CAGE1: variants seen among roughly 807,000 people sequenced by gnomAD.
CAGE1 encodes the protein cancer-associated gene 1 protein.
Under a neutral mutation model 94.9 loss-of-function variants are expected in CAGE1, and 66 were observed. The ratio of observed to expected loss-of-function variants is 0.70; its 90% CI spans 0.57 to 0.85. The LOEUF is 0.85. CAGE1 is among the 40% of genes least tolerant of loss of function. The pLI, the probability that CAGE1 is intolerant of heterozygous loss-of-function variation, is 0.00. For synonymous variants in CAGE1, 319 were observed against 321.0 expected (o/e 0.99, Z 0.07); for missense variants, 865 against 950.4 (o/e 0.91, Z 1.18).
At chr6:7,328,934 A>ATATATTTTT (rs1388562262) in intron 13 of CAGE1, among the ~76,000 whole-genome samples, 1 of 106,814 alleles carries the variant, frequency 9.4e-6, no homozygotes, top group Non-Finnish European at 1.8e-5. Context: ...ATATATATAT[A>ATATATTTTT]TTTTTTTTTT....
chr6:7,348,931 GA>G (rs1377391324), intron 11 of CAGE1, among the ~76,000 whole-genome samples: 3 of 152,180 alleles, frequency 2.0e-5, no homozygotes, highest in Non-Finnish European at 4.4e-5. Flanking sequence ...GACCAAACCT[GA>G]GAATAATCGG....
chr6:7,342,207 A>C (rs6920613), intron 11 of CAGE1, among the ~76,000 whole-genome samples: 1,721 of 152,258 alleles, frequency 0.011, 29 homozygotes, highest in African/African-American at 0.039. Flanking sequence ...CATCACCCCT[A>C]GAGTCCTGGG....
At chr6:7,341,484 C>T (rs1307988154) in intron 11 of CAGE1, 3 of 1,155,848 alleles carry the variant, frequency 2.6e-6, no homozygotes, top group Admixed American at 1.7e-5. Context: ...TCCAGGTATT[C>T]CATCGCGAGT....
At chr6:7,329,928 G>A (rs776524409) in intron 12 of CAGE1, 40 bp from the exon 13 acceptor site, 13 of 917,570 alleles carry the variant, frequency 1.4e-5, no homozygotes, top group South Asian at 3.0e-5. Context: ...AAAGGAGGAA[G>A]GGGGGACTGA....
At chr6:7,358,025 G>GAGATAGATAGAT (rs1454896963) in intron 9 of CAGE1, among the ~76,000 whole-genome samples, 2 of 20,298 alleles carry the variant, frequency 9.9e-5, no homozygotes, top group Non-Finnish European at 1.9e-4. Flanking sequence ...GGTAAGTTTT[G>GAGATAGATAGAT]AGATATATAT....
chr6:7,353,336 G>C (rs947861335), intron 11 of CAGE1, among the ~76,000 whole-genome samples: 3 of 152,096 alleles, frequency 2.0e-5, no homozygotes, highest in Non-Finnish European at 4.4e-5. Context: ...AAACTACAAT[G>C]CGATACCACC....
At chr6:7,367,596 A>T (rs564015094) in intron 7 of CAGE1, among the ~76,000 whole-genome samples, 74 of 151,936 alleles carry the variant, frequency 4.9e-4, no homozygotes, top group African/African-American at 1.7e-3. Context: ...TTTTGTAACA[A>T]CCTCAGTTGG....
intron 1 of CAGE1, among the ~76,000 whole-genome samples, chr6:7,388,886 G>A (rs950261855): frequency 6.6e-6 from 1 of 152,122 alleles, no homozygotes; most frequent in African/African-American, 2.4e-5. Flanking sequence ...AAGCGCAAAG[G>A]CCTTGTTTCT....
At chr6:7,329,290 C>G (rs987250548) in intron 13 of CAGE1, 3 of 377,018 alleles carry the variant, frequency 8.0e-6, no homozygotes, top group South Asian at 2.6e-4. Context: ...AAAAAAAAAT[C>G]GCTTGCTTAG....
intron 9 of CAGE1, among the ~76,000 whole-genome samples, chr6:7,364,949 T>C (rs1024159134): frequency 2.6e-5 from 4 of 152,214 alleles, no homozygotes; most frequent in African/African-American, 9.6e-5. Flanking sequence ...AAATTCATTA[T>C]GTTAATTAGT....
At chr6:7,372,368 G>A (rs1029819966) in intron 5 of CAGE1, among the ~76,000 whole-genome samples, 3 of 151,926 alleles carry the variant, frequency 2.0e-5, no homozygotes, top group East Asian at 1.9e-4. Context: ...TTACTCCGGA[G>A]GCTGAGGCAA....
intron 11 of CAGE1, among the ~76,000 whole-genome samples, chr6:7,345,543 C>G (rs559441863): frequency 6.6e-6 from 1 of 152,160 alleles, no homozygotes; most frequent in Non-Finnish European, 1.5e-5. Flanking sequence ...TAAGCTATCA[C>G]CAAGTAGTTT....
intron 11 of CAGE1, among the ~76,000 whole-genome samples, chr6:7,352,317 A>AAAAAAAAAAAAAAAAAC (rs1561856015): frequency 1.1e-5 from 1 of 89,668 alleles, no homozygotes; most frequent in Non-Finnish European, 2.0e-5. Context: ...AAAAAAAAAC[A>AAAAAAAAAAAAAAAAAC]AAAAAAAAAA....
chr6:7,376,513 C>T (rs1172203864), intron 4 of CAGE1, among the ~76,000 whole-genome samples: 2 of 152,124 alleles, frequency 1.3e-5, no homozygotes, highest in African/African-American at 4.8e-5. Flanking sequence ...CATGAAATGA[C>T]AGCACAGAGA....
intron 13 of CAGE1, among the ~76,000 whole-genome samples, chr6:7,328,936 T>A (rs71559159): frequency 0.085 from 8,823 of 104,308 alleles, 570 homozygotes; most frequent in Non-Finnish European, 0.12. Context: ...ATATATATAT[T>A]TTTTTTTTTT....
intron 11 of CAGE1, among the ~76,000 whole-genome samples, chr6:7,348,856 A>G (rs1174451025): frequency 6.6e-6 from 1 of 152,198 alleles, no homozygotes; most frequent in Admixed American, 6.5e-5. Context: ...CAATCCAACA[A>G]AGACAAAGAA....
chr6:7,379,090 A>G, intron 3 of CAGE1, 70 bp from the exon 4 acceptor site: 1 of 955,276 alleles, frequency 1.0e-6, no homozygotes, highest in South Asian at 2.0e-5. Flanking sequence ...AGTTATATTT[A>G]TATTTATCAA....
rs1343345298 is a variant in CAGE1, at chr6:7,362,725, G to A, written c.2193+2743C>T. On this transcript the variant is annotated intron_variant, in intron 9 of 13. Transcript: ENST00000502583. The surrounding 1 kb of genome is among the most constrained non-coding windows in gnomAD (Gnocchi z 4.1). Reference sequence around the variant, plus strand: ...GTGTGAATCTTCTGGAGTACATTCTGCACTACCAAAAAATAAAAACAAAAT... The same window carrying A: ...GTGTGAATCTTCTGGAGTACATTCTACACTACCAAAAAATAAAAACAAAAT... Among the ~76,000 whole-genome samples, 1 of 152,136 alleles carries A rather than the reference G, an allele frequency of 6.6e-6. No individual in the cohort carries two copies. Among genetic ancestry groups the A allele is most frequent in the Non-Finnish European group, 1.5e-5 (1 of 68,022 alleles).
intron 9 of CAGE1, among the ~76,000 whole-genome samples, chr6:7,359,519 G>A (rs1283200467): frequency 1.3e-5 from 2 of 152,186 alleles, no homozygotes; most frequent in Non-Finnish European, 2.9e-5. Context: ...GGGTGAGTTA[G>A]GCAGAGGCTG....
Sources: allele counts gnomAD v4.1 joint callset (sites outside exome capture counted in the v4.1 genomes callset), GRCh38; gene constraint gnomAD v4.1.1; non-coding constraint Gnocchi (gnomAD v3.1); transcripts MANE v1.5; gene names NCBI Gene and HGNC (gene_info 2026-07-23, HGNC 2026-07-21).